Variants in LPGAT1 observed in about 807,000 individuals in gnomAD.
The protein encoded by LPGAT1 is lysophosphatidylglycerol acyltransferase 1.
Under a neutral mutation model 47.5 loss-of-function variants are expected in LPGAT1, and 11 were observed. That is an observed-to-expected ratio of 0.23 (90% CI 0.15 to 0.38). The LOEUF (loss-of-function observed/expected upper bound fraction) is 0.38. Among genes scored for constraint, LPGAT1 ranks in the 10% least tolerant of loss-of-function variants. The pLI is 1.00. For synonymous variants in LPGAT1, 138 were observed against 144.2 expected (o/e 0.96, Z 0.31); for missense variants, 293 against 439.0 (o/e 0.67, Z 2.97).
chr1:211,779,104 T>C (rs940197684), intron 5 of LPGAT1, 60 bp from the exon 6 acceptor site: 2 of 1,370,040 alleles, frequency 1.5e-6, no homozygotes, highest in Non-Finnish European at 2.0e-6. Flanking sequence ...CTGCAGCAAA[T>C]AACATAGATT....
rs1660686928 is a variant in LPGAT1 at position 211,830,239 on chromosome 1, G to A, written c.-28+334C>T. 2.0e-6 allele frequency: 2 copies of A among 987,200 alleles called. No individual in the cohort carries two copies. The highest frequency in any genetic ancestry group is 1.7e-5 in the African/African-American group (1 of 57,196). 61.2% of individuals were successfully genotyped at this position (987,200 alleles called of 1,614,324 possible). A position where few individuals can be genotyped will look rare whatever the true frequency, so the allele number is the denominator to read the frequency against. ...AGAGCGGGGGCGGGTGTCCCCCGCC[G>A]AGGGGTCGCGGTCATGGACGCGGTG... On this transcript the variant is annotated intron_variant, in intron 1 of 7. Transcript: ENST00000366997. The surrounding 1 kb of genome is among the most constrained non-coding windows in gnomAD (Gnocchi z 5.9).
At chr1:211,776,286 A>C (rs139167851) in intron 6 of LPGAT1, among the ~76,000 whole-genome samples, 1 of 152,222 alleles carries the variant, frequency 6.6e-6, no homozygotes, top group East Asian at 1.9e-4. Flanking sequence ...CGCATGGCTA[A>C]AGCACTTTGG....
At chr1:211,793,712 C>T (rs1402060257) in intron 2 of LPGAT1, among the ~76,000 whole-genome samples, 3 of 152,142 alleles carry the variant, frequency 2.0e-5, no homozygotes, top group African/African-American at 4.8e-5. Flanking sequence ...AGATTACAGG[C>T]GTGAGCCACT....
At chr1:211,774,717 G>C (rs1269121028) in intron 6 of LPGAT1, among the ~76,000 whole-genome samples, 3 of 152,028 alleles carry the variant, frequency 2.0e-5, no homozygotes, top group East Asian at 3.8e-4. Context: ...TAAAAATAAT[G>C]TGTATTTTAT....
chr1:211,796,856 TAA>T (rs2102562144), intron 2 of LPGAT1, among the ~76,000 whole-genome samples: 1 of 152,350 alleles, frequency 6.6e-6, no homozygotes, highest in East Asian at 1.9e-4. Context: ...GTATAATTAT[TAA>T]GAGTTAATCC....
chr1:211,795,675 T>C (rs942543104), intron 2 of LPGAT1, among the ~76,000 whole-genome samples: 1 of 152,076 alleles, frequency 6.6e-6, no homozygotes, highest in Non-Finnish European at 1.5e-5. Context: ...CCTAGTTATG[T>C]TTTTAAAAAG....
In LPGAT1 at chr1:211,830,393, A is replaced by C; in HGVS notation, c.-28+180T>G. The C allele has an allele frequency of 1.7e-6, 2 of 1,168,796 alleles. No homozygotes were observed. 72.4% of individuals were successfully genotyped at this position (1,168,796 alleles called of 1,614,324 possible). A position where few individuals can be genotyped will look rare whatever the true frequency, so the allele number is the denominator to read the frequency against. ...CCTGTCACCCGGGCGGGTCCCGGGG[A>C]GGCGGGCGGATGCCCCGCGCCCCCG... On this transcript the variant is annotated intron_variant, in intron 1 of 7. Transcript: ENST00000366997. The surrounding 1 kb of genome is among the most constrained non-coding windows in gnomAD (Gnocchi z 5.9).
At position 211,829,063 on chromosome 1, in the gene LPGAT1, A is replaced by G; in HGVS notation, c.234T>C (p.Tyr78=). The stretch of plus-strand genomic sequence containing the variant: ...GAAAAGTGTTCTCACTCTTACCTGT[A>G]TATCCAGCATACCATCCCCAGGAAG... ...MVASWGWYAG[Y]TVMEWGEDIK... Residue 78 remains tyrosine (Y), a synonymous_variant, in exon 2 of 8, where the codon TAT becomes TAC. Coordinates refer to ENST00000366997, the MANE Select transcript of LPGAT1 (RefSeq NM_014873.3). The G allele has an allele frequency of 6.2e-7, 1 of 1,614,118 alleles. No homozygotes were observed.
At chr1:211,767,427 T>C (rs1308417969) in intron 6 of LPGAT1, among the ~76,000 whole-genome samples, 3 of 152,160 alleles carry the variant, frequency 2.0e-5, no homozygotes, top group Admixed American at 2.0e-4. Context: ...TGAGCCATCA[T>C]ACCCAGCCTG....
intron 2 of LPGAT1, among the ~76,000 whole-genome samples, chr1:211,807,940 T>A (rs562461606): frequency 2.8e-4 from 43 of 152,202 alleles, no homozygotes; most frequent in South Asian, 8.3e-4. Flanking sequence ...CCAATTTTTT[T>A]AAAAAAATCA....
intron 6 of LPGAT1, among the ~76,000 whole-genome samples, chr1:211,767,927 T>C (rs1211841089): frequency 6.6e-6 from 1 of 152,224 alleles, no homozygotes; most frequent in African/African-American, 2.4e-5. Context: ...ATATCATTAC[T>C]GTACCCGAGG....
intron 6 of LPGAT1, among the ~76,000 whole-genome samples, chr1:211,771,514 A>AT (rs1658171135): frequency 1.3e-5 from 2 of 150,312 alleles, no homozygotes; most frequent in Non-Finnish European, 3.0e-5. Flanking sequence ...TATTATTATT[A>AT]TTTTTTTGAG....
rs1658726540 is a variant in LPGAT1, at chr1:211,783,546, AT to A, written c.454-45del. ...CGTAATAAGTACAGGTATATCCAAAATTAAAATGCCATAAAATTAAACAGAA... is the reference window on the plus strand; with the variant it reads ...CGTAATAAGTACAGGTATATCCAAAATAAAATGCCATAAAATTAAACAGAA... On this transcript the variant is annotated intron_variant, in intron 4 of 7. Coordinates refer to ENST00000366997, the MANE Select transcript of LPGAT1 (RefSeq NM_014873.3). The A allele has an allele frequency of 2.7e-6, 4 of 1,502,232 alleles. No individual in the cohort carries two copies. The South Asian group carries it at 3.9e-5, about 15-fold the overall frequency. 93.1% of individuals were successfully genotyped at this position (1,502,232 alleles called of 1,614,324 possible).
chr1:211,781,620 T>A (rs564684138), intron 5 of LPGAT1, among the ~76,000 whole-genome samples: 1 of 152,352 alleles, frequency 6.6e-6, no homozygotes, highest in East Asian at 1.9e-4. Flanking sequence ...ACAGACATTA[T>A]TTCTACGTCT....
At chr1:211,805,442 G>A (rs1342573526) in intron 2 of LPGAT1, among the ~76,000 whole-genome samples, 1 of 152,148 alleles carries the variant, frequency 6.6e-6, no homozygotes, top group Non-Finnish European at 1.5e-5. Context: ...AAGCATTACT[G>A]AATGCATGTC....
In LPGAT1 at chr1:211,744,135, C is replaced by T. The variant is rs537849139; in HGVS notation, c.*5764G>A. 5 of 150,394 alleles carry T rather than the reference C, an allele frequency of 3.3e-5. No homozygotes were observed. In the East Asian group the frequency reaches 9.9e-4, roughly 30 times the overall value. 9.3% of individuals were successfully genotyped at this position (150,394 alleles called of 1,614,324 possible). A position where few individuals can be genotyped will look rare whatever the true frequency, so the allele number is the denominator to read the frequency against. On this transcript the variant is annotated 3_prime_UTR_variant, in exon 8 of 8. Coordinates refer to ENST00000366997, the MANE Select transcript of LPGAT1 (RefSeq NM_014873.3). Reference sequence around the variant, plus strand: ...TAATGCTTTTCCTACCCTTTAAAGCCCTGGCCAGGGTCAGTGATAGGAATT... The same window carrying T: ...TAATGCTTTTCCTACCCTTTAAAGCTCTGGCCAGGGTCAGTGATAGGAATT...
At chr1:211,768,632 T>C (rs1417609996) in intron 6 of LPGAT1, among the ~76,000 whole-genome samples, 1 of 152,234 alleles carries the variant, frequency 6.6e-6, no homozygotes, top group Non-Finnish European at 1.5e-5. Flanking sequence ...TCAAAACACA[T>C]ATCTCTATCG....
intron 6 of LPGAT1, among the ~76,000 whole-genome samples, chr1:211,765,386 T>C (rs1657865965): frequency 6.6e-6 from 1 of 152,202 alleles, no homozygotes; most frequent in African/African-American, 2.4e-5. Flanking sequence ...AAGATCTAGG[T>C]AGTCCTTCCA....
chr1:211,751,471 C>T (rs2102485442), intron 6 of LPGAT1, among the ~76,000 whole-genome samples: 1 of 152,212 alleles, frequency 6.6e-6, no homozygotes, highest in African/African-American at 2.4e-5. Context: ...AAATGTCAGG[C>T]AATATTCTTT....
Sources: allele counts gnomAD v4.1 joint callset (sites outside exome capture counted in the v4.1 genomes callset), GRCh38; gene constraint gnomAD v4.1.1; non-coding constraint Gnocchi (gnomAD v3.1); transcripts MANE v1.5; gene names NCBI Gene and HGNC (gene_info 2026-07-23, HGNC 2026-07-21).